MGAT4C: variants seen among roughly 807,000 people sequenced by gnomAD.
MGAT4C encodes MGAT4 family member C.
MGAT4C carries 19 observed loss-of-function variants against 40.1 expected under a neutral mutation model. The ratio of observed to expected loss-of-function variants is 0.47; its 90% confidence interval spans 0.33 to 0.70. MGAT4C has a LOEUF of 0.70. Among genes scored for constraint, MGAT4C ranks in the 30% least tolerant of loss-of-function variants. The pLI, the probability that MGAT4C is intolerant of heterozygous loss-of-function variation, is 0.02. For synonymous variants in MGAT4C, 181 were observed against 187.1 expected (o/e 0.97, Z 0.27); for missense variants, 491 against 563.2 (o/e 0.87, Z 1.30).
intron 1 of MGAT4C, among the ~76,000 whole-genome samples, chr12:86,085,094 A>G (rs568061268): frequency 1.2e-4 from 18 of 152,130 alleles, no homozygotes; most frequent in East Asian, 1.9e-4. Context: ...CAAAATATCT[A>G]TACATTCTCT....
At chr12:86,692,581 G>C (rs544322537) in intron 2 of MGAT4C, among the ~76,000 whole-genome samples, 6 of 152,218 alleles carry the variant, frequency 3.9e-5, no homozygotes, top group Admixed American at 6.5e-5. Flanking sequence ...AATACTTATG[G>C]AGATGAAAAT....
At chr12:86,285,578 G>C (rs1437120015) in intron 4 of MGAT4C, among the ~76,000 whole-genome samples, 3 of 151,924 alleles carry the variant, frequency 2.0e-5, no homozygotes, top group Non-Finnish European at 4.4e-5. Flanking sequence ...AAATAGAAAT[G>C]AGGGAGCAAC....
chr12:86,503,278 CAT>C (rs377161733), intron 2 of MGAT4C, among the ~76,000 whole-genome samples: 22 of 3,394 alleles, frequency 6.5e-3, no homozygotes, highest in Middle Eastern at 0.12. Context: ...GAGTTCTGCT[CAT>C]ATATATATAT....
chr12:86,706,464 G>T (rs1593135513), intron 2 of MGAT4C, among the ~76,000 whole-genome samples: 1 of 150,028 alleles, frequency 6.7e-6, no homozygotes, highest in East Asian at 1.9e-4. Context: ...TCTCTATTTT[G>T]CCCAGCTGGT....
intron 2 of MGAT4C, among the ~76,000 whole-genome samples, chr12:86,723,776 T>G (rs1950775761): frequency 6.6e-6 from 1 of 152,218 alleles, no homozygotes; most frequent in African/African-American, 2.4e-5. Context: ...GTTTAATTTT[T>G]AAAGTATTTC....
intron 2 of MGAT4C, among the ~76,000 whole-genome samples, chr12:86,514,924 C>A (rs978090685): frequency 6.6e-6 from 1 of 152,112 alleles, no homozygotes; most frequent in Admixed American, 6.5e-5. Flanking sequence ...ACCAAAAATT[C>A]TACTTTCAGC....
chr12:86,344,750 G>GTA (rs1461763724), intron 3 of MGAT4C, among the ~76,000 whole-genome samples: 10 of 120,912 alleles, frequency 8.3e-5, no homozygotes, highest in East Asian at 6.0e-4. Flanking sequence ...GTGTGTGTGT[G>GTA]TGTGTATGTG....
At chr12:86,137,506 C>G (rs895088444) in intron 1 of MGAT4C, among the ~76,000 whole-genome samples, 2 of 152,162 alleles carry the variant, frequency 1.3e-5, no homozygotes, top group South Asian at 2.1e-4. Flanking sequence ...CCTTATAAAA[C>G]ATTACTTCTT....
intron 1 of MGAT4C, among the ~76,000 whole-genome samples, chr12:86,229,559 T>G (rs1177425885): frequency 7.2e-5 from 11 of 151,998 alleles, no homozygotes; most frequent in Non-Finnish European, 1.3e-4. Flanking sequence ...TATTTCAACT[T>G]AATATTCATT....
intron 1 of MGAT4C, among the ~76,000 whole-genome samples, chr12:86,149,724 C>T (rs1471997643): frequency 2.0e-5 from 3 of 152,100 alleles, no homozygotes; most frequent in African/African-American, 7.2e-5. Flanking sequence ...CAACAGGGGT[C>T]TCATATTATA....
intron 1 of MGAT4C, among the ~76,000 whole-genome samples, chr12:86,186,446 C>T (rs952957283): frequency 6.6e-6 from 1 of 152,100 alleles, no homozygotes; most frequent in African/African-American, 2.4e-5. Context: ...AACCTATGGG[C>T]TAAACATTAA....
intron 2 of MGAT4C, among the ~76,000 whole-genome samples, chr12:86,467,514 T>C (rs1195370709): frequency 6.6e-6 from 1 of 152,172 alleles, no homozygotes; most frequent in African/African-American, 2.4e-5. Context: ...TCTAATTATA[T>C]ACACACACAT....
rs946688576 is a variant in MGAT4C, at chr12:86,446,817, A to T, written c.-228-11552T>A. Among the ~76,000 whole-genome samples the T allele has an allele frequency of 7.2e-4, 108 of 150,594 alleles. 1 individual carries two copies. The highest frequency in any genetic ancestry group is 2.6e-3 in the African/African-American group (105 of 41,128). On this transcript the variant is annotated intron_variant, in intron 2 of 7. Coordinates refer to the MGAT4C transcript ENST00000548651. ...ACTATTGCCATGGCTCTGTGTAATC[A>T]TCTATGAGAGGGAGATGGTAATACT... is the stretch of plus-strand genomic sequence containing the variant.
chr12:86,500,446 C>T (rs1015692406), intron 2 of MGAT4C, among the ~76,000 whole-genome samples: 5 of 151,310 alleles, frequency 3.3e-5, no homozygotes, highest in South Asian at 2.1e-4. Flanking sequence ...ATAGATTAAA[C>T]GTTATTAAAA....
intron 3 of MGAT4C, among the ~76,000 whole-genome samples, chr12:86,415,630 A>G (rs1380165456): frequency 6.6e-6 from 1 of 152,056 alleles, no homozygotes; most frequent in Admixed American, 6.6e-5. Context: ...ATATCCCAGT[A>G]TTTGAATTTT....
chr12:86,448,795 C>A (rs1957379876), intron 2 of MGAT4C, among the ~76,000 whole-genome samples: 2 of 152,132 alleles, frequency 1.3e-5, no homozygotes, highest in South Asian at 4.1e-4. Context: ...CTTCCCCAGA[C>A]AAATCAAAGA....
intron 1 of MGAT4C, among the ~76,000 whole-genome samples, chr12:86,218,810 C>A (rs529313854): frequency 1.3e-5 from 2 of 152,208 alleles, no homozygotes; most frequent in South Asian, 4.1e-4. Flanking sequence ...TGATCCAAGT[C>A]AAAATGATCT....
intron 2 of MGAT4C, among the ~76,000 whole-genome samples, chr12:86,455,873 CA>C (rs1565774816): frequency 6.6e-5 from 10 of 151,696 alleles, no homozygotes; most frequent in Admixed American, 6.6e-4. Context: ...AGTACCCTGT[CA>C]AAAAAGACAA....
intron 1 of MGAT4C, among the ~76,000 whole-genome samples, chr12:86,784,733 C>T (rs1951902198): frequency 1.3e-5 from 2 of 151,058 alleles, no homozygotes; most frequent in South Asian, 4.2e-4. Flanking sequence ...AAAGACTGAT[C>T]ACATAACACA....
Sources: gnomAD v4.1 joint callset for allele counts (sites outside exome capture counted in the v4.1 genomes callset) on GRCh38, gnomAD v4.1.1 for gene constraint, MANE v1.5 for transcripts, NCBI Gene and HGNC (gene_info 2026-07-23, HGNC 2026-07-21) for gene names.